The following SRRM4 variants were observed in gnomAD, a reference collection of about 807,000 sequenced individuals.
SRRM4 encodes serine/arginine repetitive matrix 4.
SRRM4 carries 33 observed loss-of-function variants against 68.9 expected under a neutral mutation model. That is an observed-to-expected ratio of 0.48 (90% CI 0.36 to 0.64). The LOEUF (loss-of-function observed/expected upper bound fraction) is 0.64. Among genes scored for constraint, SRRM4 ranks in the 30% least tolerant of loss-of-function variants. The pLI, the probability that SRRM4 is intolerant of heterozygous loss-of-function variation, is 0.00. For synonymous variants in SRRM4, 318 were observed against 318.8 expected (o/e 1.00, Z 0.03); for missense variants, 817 against 827.1 (o/e 0.99, Z 0.15).
At chr12:119,037,276 T>C (rs1220568461) in intron 1 of SRRM4, among the ~76,000 whole-genome samples, 2 of 152,016 alleles carry the variant, frequency 1.3e-5, no homozygotes, top group African/African-American at 2.4e-5. Context: ...TACCATACCA[T>C]GTGAGGCGGA....
chr12:119,157,398 G>A lies in SRRM4; in HGVS notation c.*600G>A, dbSNP rs574110338. 2 of 153,358 alleles carry A rather than the reference G, an allele frequency of 1.3e-5. No individual in the cohort carries two copies. The highest frequency in any genetic ancestry group is 2.1e-4 in the South Asian group (1 of 4,838). The allele number at this position is 153,358 out of a possible 1,614,324, so 9.5% of individuals were successfully genotyped here. Reference sequence around the variant, plus strand: ...ATATCCTTGAATACCAGATGGGGACGTTTGACTTGGTGGGAGGTGTCAGGA... The same window carrying A: ...ATATCCTTGAATACCAGATGGGGACATTTGACTTGGTGGGAGGTGTCAGGA... On this transcript the variant is annotated 3_prime_UTR_variant, in exon 13 of 13. Coordinates refer to ENST00000267260, the MANE Select transcript of SRRM4 (RefSeq NM_194286.4). The surrounding 1 kb of genome is among the most constrained non-coding windows in gnomAD (Gnocchi z 4.1).
chr12:119,029,696 T>C (rs1055309388), intron 1 of SRRM4, among the ~76,000 whole-genome samples: 9 of 152,244 alleles, frequency 5.9e-5, no homozygotes, highest in African/African-American at 2.2e-4. Flanking sequence ...CAACTCACTC[T>C]TCTCCTACAC....
chr12:118,998,891 A>G (rs979020349), intron 1 of SRRM4, among the ~76,000 whole-genome samples: 8 of 152,194 alleles, frequency 5.3e-5, no homozygotes, highest in Non-Finnish European at 8.8e-5. Context: ...ATTCATATTT[A>G]TGTAGAACTG....
At position 119,142,515 on chromosome 12, in the gene SRRM4, G is replaced by A. The variant is rs905181597; in HGVS notation, c.772-2866G>A. 5.3e-5 allele frequency among the ~76,000 whole-genome samples: 8 copies of A among 152,154 alleles called. No individual in the cohort carries two copies. The East Asian group carries it at 7.7e-4, about 15-fold the overall frequency. On this transcript the variant is annotated intron_variant, in intron 8 of 12. Transcript: ENST00000267260. Reference sequence around the variant, plus strand: ...TCACATTCAAGAAATCCTTGCCTACGGGGATCCATGGTGCACCAGGAAAAA... The same window carrying A: ...TCACATTCAAGAAATCCTTGCCTACAGGGATCCATGGTGCACCAGGAAAAA...
chr12:119,153,548 C>G lies in SRRM4; in HGVS notation c.1290C>G (p.Ser430=), dbSNP rs1286140539. Residue 430 remains serine (S), a synonymous_variant, in exon 11 of 13, where the codon TCC becomes TCG. Transcript: ENST00000267260. The stretch of plus-strand genomic sequence containing the variant: ...GTTACCTCTCCCCCAGGTCCTACTC[C>G]CGCTCTCCCAGCTATTCCTCCAAGT... ...RSTSSEKRSY[S]RSPSYSSKSG... The G allele has an allele frequency of 2.6e-6, 4 of 1,568,600 alleles. No individual in the cohort carries two copies. The African/African-American group carries it at 4.1e-5, about 16-fold the overall frequency.
chr12:119,062,848 G>A (rs548615024), intron 1 of SRRM4, among the ~76,000 whole-genome samples: 1 of 152,336 alleles, frequency 6.6e-6, no homozygotes, highest in South Asian at 2.1e-4. Flanking sequence ...GTGGCCCTAG[G>A]CAATGGGCCT....
At chr12:119,029,072 C>T (rs1401682358) in intron 1 of SRRM4, among the ~76,000 whole-genome samples, 1 of 152,138 alleles carries the variant, frequency 6.6e-6, no homozygotes, top group Non-Finnish European at 1.5e-5. Flanking sequence ...TACTGTGCCC[C>T]ATATGCAAAG....
intron 1 of SRRM4, among the ~76,000 whole-genome samples, chr12:119,099,025 A>T (rs1225728059): frequency 1.3e-5 from 2 of 151,464 alleles, no homozygotes; most frequent in Non-Finnish European, 2.9e-5. Flanking sequence ...TGTTCCAAAG[A>T]CTCTTCTCCC....
At chr12:119,137,661 G>A (rs908441469) in intron 8 of SRRM4, among the ~76,000 whole-genome samples, 9 of 149,980 alleles carry the variant, frequency 6.0e-5, no homozygotes, top group African/African-American at 2.2e-4. Flanking sequence ...ACATTGGAAG[G>A]GGTTGAGGGA....
chr12:119,021,821 G>A (rs1038438403), intron 1 of SRRM4, among the ~76,000 whole-genome samples: 3 of 152,110 alleles, frequency 2.0e-5, no homozygotes, highest in African/African-American at 7.2e-5. Context: ...TCTTTATCTA[G>A]TCTATCATTG....
chr12:119,137,334 T>G (rs1289959328), intron 8 of SRRM4, among the ~76,000 whole-genome samples: 1 of 152,198 alleles, frequency 6.6e-6, no homozygotes, highest in Non-Finnish European at 1.5e-5. Context: ...CCTCTTGATC[T>G]TAGAATTCAG....
At chr12:119,066,143 C>T (rs1953844416) in intron 1 of SRRM4, among the ~76,000 whole-genome samples, 2 of 152,188 alleles carry the variant, frequency 1.3e-5, no homozygotes, top group Admixed American at 6.5e-5. Flanking sequence ...TTTTTAGTCT[C>T]AGTCCTAATG....
At chr12:119,058,605 A>C (rs1953791660) in intron 1 of SRRM4, among the ~76,000 whole-genome samples, 2 of 152,214 alleles carry the variant, frequency 1.3e-5, no homozygotes, top group South Asian at 2.1e-4. Context: ...AGAGTCTAGC[A>C]TATTATAAAA....
chr12:119,116,413 G>A (rs112158553), intron 3 of SRRM4, among the ~76,000 whole-genome samples: 4 of 152,162 alleles, frequency 2.6e-5, no homozygotes, highest in Non-Finnish European at 4.4e-5. Context: ...AAAGGATGGG[G>A]CAAAGGAGAA....
chr12:119,122,604 T>C (rs952305968), intron 6 of SRRM4, among the ~76,000 whole-genome samples: 2 of 152,174 alleles, frequency 1.3e-5, no homozygotes, highest in Admixed American at 1.3e-4. Context: ...GTATACAATA[T>C]GGGAACATTG....
chr12:119,055,903 G>T (rs1953773092), intron 1 of SRRM4, among the ~76,000 whole-genome samples: 2 of 152,228 alleles, frequency 1.3e-5, no homozygotes, highest in South Asian at 4.1e-4. Context: ...AGGTGTAGGT[G>T]CCTGCCCTTT....
intron 1 of SRRM4, among the ~76,000 whole-genome samples, chr12:119,032,615 G>T (rs1466184368): frequency 1.3e-5 from 2 of 152,138 alleles, no homozygotes; most frequent in Admixed American, 1.3e-4. Flanking sequence ...TTTAAAGTGA[G>T]ATTGATTTCT....
chr12:119,106,600 G>A (rs1463963340), intron 2 of SRRM4, among the ~76,000 whole-genome samples: 1 of 151,452 alleles, frequency 6.6e-6, no homozygotes, highest in Admixed American at 6.6e-5. Flanking sequence ...TCATGATTTG[G>A]CTCTCTGTTT....
chr12:119,117,783 G>A (rs1191808458), intron 4 of SRRM4, among the ~76,000 whole-genome samples: 3 of 152,086 alleles, frequency 2.0e-5, no homozygotes, highest in Admixed American at 6.5e-5. Context: ...GTGGTGGCAC[G>A]TGCCTGTAAT....
Sources: gnomAD v4.1 joint callset for allele counts (sites outside exome capture counted in the v4.1 genomes callset) on GRCh38, gnomAD v4.1.1 for gene constraint, Gnocchi (gnomAD v3.1) non-coding constraint, MANE v1.5 for transcripts, NCBI Gene and HGNC (gene_info 2026-07-23, HGNC 2026-07-21) for gene names.